REEP3: variants seen among roughly 807,000 people sequenced by gnomAD.
REEP3 encodes the protein receptor accessory protein 3, also known as receptor expression-enhancing protein 3.
Under a neutral mutation model 41.3 loss-of-function variants are expected in REEP3, and 20 were observed. The observed-to-expected ratio is 0.48, with a 90% CI of 0.34 to 0.70. The LOEUF (loss-of-function observed/expected upper bound fraction) is 0.70, where lower values mean the gene tolerates loss of function less well. Ranked by LOEUF, REEP3 falls within the 30% of genes least tolerant of loss-of-function variation. The pLI is 0.01. For synonymous variants in REEP3, 104 were observed against 101.8 expected (o/e 1.02, Z -0.13); for missense variants, 271 against 308.8 (o/e 0.88, Z 0.92).
intron 5 of REEP3, among the ~76,000 whole-genome samples, chr10:63,608,081 T>C (rs761967583): frequency 4.6e-5 from 7 of 152,172 alleles, no homozygotes; most frequent in Non-Finnish European, 8.8e-5. Flanking sequence ...GGCACAGAAC[T>C]ACGAAGATGA....
chr10:63,605,556 G>A (rs1260762385), intron 5 of REEP3, among the ~76,000 whole-genome samples: 2 of 152,186 alleles, frequency 1.3e-5, no homozygotes, highest in Non-Finnish European at 2.9e-5. Context: ...GATTTAAAAT[G>A]TGAAGAAAAT....
At chr10:63,546,568 G>A (rs1025706411) in intron 1 of REEP3, among the ~76,000 whole-genome samples, 2 of 152,214 alleles carry the variant, frequency 1.3e-5, no homozygotes, top group Non-Finnish European at 1.5e-5. Context: ...ATACTGGGAT[G>A]CCGTATAGAT....
chr10:63,523,566 G>A (rs776328856), intron 1 of REEP3, among the ~76,000 whole-genome samples: 3 of 152,178 alleles, frequency 2.0e-5, no homozygotes, highest in Admixed American at 6.5e-5. Flanking sequence ...AATTCAGGAG[G>A]TCAAGGCTGC....
rs151279813 is a variant in REEP3 at position 63,594,633 on chromosome 10, G to A, written c.106-145G>A. On this transcript the variant is annotated intron_variant, in intron 2 of 7. Coordinates refer to ENST00000373758, the MANE Select transcript of REEP3 (RefSeq NM_001001330.3). ...TGAAAATTAAACCATCACTTTCTGC[G>A]TTTGACCCAACATACTATGTATCCA... 3.5e-4 allele frequency: 213 copies of A among 600,930 alleles called. 1 individual carries two copies. The highest frequency in any genetic ancestry group is 2.7e-3 in the African/African-American group (146 of 53,464). The allele number at this position is 600,930 out of a possible 1,614,324, so 37.2% of individuals were successfully genotyped here. A position where few individuals can be genotyped will look rare whatever the true frequency, so the allele number is the denominator to read the frequency against.
chr10:63,582,995 T>C (rs928893674), intron 2 of REEP3, among the ~76,000 whole-genome samples: 1 of 152,176 alleles, frequency 6.6e-6, no homozygotes, highest in Non-Finnish European at 1.5e-5. Flanking sequence ...TTTTTTTCTT[T>C]TTTGTTTTGA....
intron 1 of REEP3, among the ~76,000 whole-genome samples, chr10:63,549,948 T>C (rs1219477680): frequency 1.3e-5 from 2 of 152,154 alleles, no homozygotes. Flanking sequence ...CAAATTATGT[T>C]CTGATGCACT....
intron 5 of REEP3, among the ~76,000 whole-genome samples, chr10:63,604,716 T>C (rs563422538): frequency 1.3e-5 from 2 of 152,210 alleles, no homozygotes; most frequent in African/African-American, 4.8e-5. Flanking sequence ...TTTCCTAAAA[T>C]CTAGGGAAGC....
chr10:63,546,064 T>C (rs1356360417), intron 1 of REEP3, among the ~76,000 whole-genome samples: 2 of 152,230 alleles, frequency 1.3e-5, no homozygotes, highest in Non-Finnish European at 2.9e-5. Flanking sequence ...ACTCATCACA[T>C]GGAGGTCAAT....
At chr10:63,575,609 C>T (rs769189737) in intron 2 of REEP3, among the ~76,000 whole-genome samples, 17 of 151,838 alleles carry the variant, frequency 1.1e-4, no homozygotes, top group Non-Finnish European at 2.1e-4. Flanking sequence ...TTTTGTTCTA[C>T]TTTCTGATTG....
chr10:63,622,929 T>C lies in REEP3; in HGVS notation c.*2060T>C, dbSNP rs1020508450. ...ACCATGTTGCCCAGGATGGTCTCCATCTCTTGACCTCGTGATCCGCCCGCC... is the reference window on the plus strand; with the variant it reads ...ACCATGTTGCCCAGGATGGTCTCCACCTCTTGACCTCGTGATCCGCCCGCC... On this transcript the variant is annotated 3_prime_UTR_variant, in exon 8 of 8. Coordinates refer to ENST00000373758, the MANE Select transcript of REEP3 (RefSeq NM_001001330.3). 1.3e-5 allele frequency: 2 copies of C among 152,198 alleles called. No homozygotes were observed. The highest frequency in any genetic ancestry group is 2.9e-5 in the Non-Finnish European group (2 of 68,046). 9.4% of individuals were successfully genotyped at this position (152,198 alleles called of 1,614,324 possible). A position where few individuals can be genotyped will look rare whatever the true frequency, so the allele number is the denominator to read the frequency against.
Position 63,623,630 on chromosome 10 carries a change from G to A in REEP3, c.*2761G>A, listed in dbSNP as rs1956371585. On this transcript the variant is annotated 3_prime_UTR_variant, in exon 8 of 8. Transcript: ENST00000373758. Reference sequence around the variant, plus strand: ...TTTAGGAGTAAGAATTGACCCATTCGTTAGTTTACCATATTTTTTCCTGGT... The same window carrying A: ...TTTAGGAGTAAGAATTGACCCATTCATTAGTTTACCATATTTTTTCCTGGT... The A allele has an allele frequency of 6.6e-6, 1 of 152,214 alleles. No individual in the cohort carries two copies. Among genetic ancestry groups the A allele is most frequent in the African/African-American group, 2.4e-5 (1 of 41,382 alleles). 9.4% of individuals were successfully genotyped at this position (152,214 alleles called of 1,614,324 possible). A position where few individuals can be genotyped will look rare whatever the true frequency, so the allele number is the denominator to read the frequency against.
At chr10:63,587,477 G>A (rs556189868) in intron 2 of REEP3, among the ~76,000 whole-genome samples, 1 of 152,314 alleles carries the variant, frequency 6.6e-6, no homozygotes, top group African/African-American at 2.4e-5. Context: ...AGAGATTAGT[G>A]TAACCTCTTA....
chr10:63,601,629 C>T (rs1307928090), intron 5 of REEP3, among the ~76,000 whole-genome samples: 2 of 152,074 alleles, frequency 1.3e-5, no homozygotes, highest in Non-Finnish European at 2.9e-5. Flanking sequence ...ATACTAAAAC[C>T]AGTGAGAGGC....
At chr10:63,575,127 A>G (rs1211009642) in intron 2 of REEP3, among the ~76,000 whole-genome samples, 1 of 152,070 alleles carries the variant, frequency 6.6e-6, no homozygotes, top group Non-Finnish European at 1.5e-5. Context: ...GTGCTGAGAT[A>G]ACAGGCATTA....
chr10:63,555,983 C>A (rs1021073054), intron 1 of REEP3, among the ~76,000 whole-genome samples: 2 of 152,108 alleles, frequency 1.3e-5, no homozygotes, highest in Non-Finnish European at 2.9e-5. Flanking sequence ...GTCTTAGGAA[C>A]CTGTTAACTG....
chr10:63,592,947 CTAAAT>C (rs1400281453), intron 2 of REEP3, among the ~76,000 whole-genome samples: 1 of 151,910 alleles, frequency 6.6e-6, no homozygotes, highest in African/African-American at 2.4e-5. Flanking sequence ...AGTGAAAGTA[CTAAAT>C]TAGTGTTTGG....
intron 5 of REEP3, among the ~76,000 whole-genome samples, chr10:63,602,197 T>C (rs533605104): frequency 6.6e-6 from 1 of 152,270 alleles, no homozygotes; most frequent in East Asian, 1.9e-4. Flanking sequence ...ATTTACATTA[T>C]AATAATGAAC....
Position 63,623,077 on chromosome 10 carries a change from A to G in REEP3, c.*2208A>G, listed in dbSNP as rs1956367690. ...TAGTAAACTCATATTACTGTTCTAA[A>G]TTGAAGAAATTATTTATTACTCTGT... is the stretch of plus-strand genomic sequence containing the variant. On this transcript the variant is annotated 3_prime_UTR_variant, in exon 8 of 8. Transcript: ENST00000373758. 1 of 152,204 alleles carries G rather than the reference A, an allele frequency of 6.6e-6. No homozygotes were observed. Among genetic ancestry groups the G allele is most frequent in the Non-Finnish European group, 1.5e-5 (1 of 68,038 alleles). 9.4% of individuals were successfully genotyped at this position (152,204 alleles called of 1,614,324 possible).
intron 6 of REEP3, among the ~76,000 whole-genome samples, chr10:63,618,805 C>T (rs939327376): frequency 1.3e-5 from 2 of 152,224 alleles, no homozygotes; most frequent in Non-Finnish European, 1.5e-5. Context: ...GTAACTCTGA[C>T]GTGCTCAAGT....
Sources: gnomAD v4.1 joint callset for allele counts (sites outside exome capture counted in the v4.1 genomes callset) on GRCh38, gnomAD v4.1.1 for gene constraint, MANE v1.5 for transcripts, NCBI Gene and HGNC (gene_info 2026-07-23, HGNC 2026-07-21) for gene names.